The following KCNH5 variants were observed in gnomAD, a reference collection of about 807,000 sequenced individuals.
The protein encoded by KCNH5 is voltage-gated delayed rectifier potassium channel KCNH5.
KCNH5 carries 46 observed loss-of-function variants against 96.1 expected under a neutral mutation model. The ratio of observed to expected loss-of-function variants is 0.48; its 90% CI spans 0.38 to 0.61. KCNH5 has a LOEUF of 0.61. Ranked by LOEUF, KCNH5 falls within the 20% of genes least tolerant of loss-of-function variation. KCNH5 has a pLI of 0.00. For missense variants in KCNH5, 907 were observed against 1,225.8 expected, an observed-to-expected ratio of 0.74 and a Z score of 3.88; for synonymous variants, 439 against 449.8, an observed-to-expected ratio of 0.98 and a Z score of 0.30.
intron 6 of KCNH5, among the ~76,000 whole-genome samples, chr14:62,968,693 T>C (rs566892983): frequency 1.3e-5 from 2 of 152,294 alleles, no homozygotes; most frequent in Admixed American, 1.3e-4. Context: ...AGTTAGGAAA[T>C]GTGGTATGCC....
chr14:62,711,447 A>G lies in KCNH5; in HGVS notation c.2020-2992T>C, dbSNP rs184311524. Among the ~76,000 whole-genome samples, 570 of 152,254 alleles carry G rather than the reference A, an allele frequency of 3.7e-3. 5 individuals carry two copies. In the Middle Eastern group the frequency reaches 0.051, roughly 14 times the overall value. The stretch of plus-strand genomic sequence containing the variant: ...AAGAGAAAGAATCGAGCTCTGGTAC[A>G]TTAGATGACAGAATTCTGAGTATTG... On this transcript the variant is annotated intron_variant, in intron 10 of 10. Transcript: ENST00000322893.
At chr14:62,885,943 G>T (rs1888586923) in intron 7 of KCNH5, among the ~76,000 whole-genome samples, 1 of 152,054 alleles carries the variant, frequency 6.6e-6, no homozygotes, top group African/African-American at 2.4e-5. Flanking sequence ...GAAAGACCTG[G>T]GTCTGTGAGG....
intron 9 of KCNH5, among the ~76,000 whole-genome samples, chr14:62,783,520 A>G (rs570504167): frequency 6.6e-5 from 10 of 152,304 alleles, no homozygotes; most frequent in Middle Eastern, 6.8e-3. Context: ...CAAATTGTCA[A>G]TTATAATCCT....
At chr14:63,003,624 A>ATATATATT (rs1491457497) in intron 3 of KCNH5, among the ~76,000 whole-genome samples, 1 of 92,822 alleles carries the variant, frequency 1.1e-5, no homozygotes, top group African/African-American at 4.7e-5. Context: ...ATATATATAT[A>ATATATATT]TTTTTTTTTT....
intron 8 of KCNH5, among the ~76,000 whole-genome samples, chr14:62,843,921 T>C (rs564974190): frequency 2.2e-4 from 33 of 152,190 alleles, no homozygotes; most frequent in Admixed American, 1.9e-3. Context: ...ATTTCCCAAA[T>C]TAAAAAAATA....
chr14:63,026,451 C>A (rs1312067336), intron 1 of KCNH5, among the ~76,000 whole-genome samples: 1 of 151,960 alleles, frequency 6.6e-6, no homozygotes, highest in African/African-American at 2.4e-5. Context: ...AATATATCTA[C>A]AAACCAAACA....
intron 7 of KCNH5, among the ~76,000 whole-genome samples, chr14:62,852,958 C>T (rs1887837324): frequency 6.6e-6 from 1 of 152,128 alleles, no homozygotes; most frequent in Admixed American, 6.5e-5. Flanking sequence ...ACAGACATAC[C>T]TATCTTCTTG....
chr14:62,726,914 A>G (rs571528920), intron 10 of KCNH5, among the ~76,000 whole-genome samples: 3 of 152,362 alleles, frequency 2.0e-5, no homozygotes, highest in African/African-American at 7.2e-5. Context: ...AAAACTCTAC[A>G]ATGAAAATTG....
intron 10 of KCNH5, chr14:62,712,303 G>A (rs1884587578): frequency 5.0e-6 from 1 of 198,542 alleles, no homozygotes; most frequent in Non-Finnish European, 1.0e-5. Flanking sequence ...ACAAAATAAT[G>A]GCATTGTAAA....
intron 7 of KCNH5, among the ~76,000 whole-genome samples, chr14:62,850,992 T>C (rs1887793039): frequency 6.6e-6 from 1 of 152,212 alleles, no homozygotes; most frequent in South Asian, 2.1e-4. Context: ...TCCCATTTGA[T>C]GGAAGTGGTA....
In KCNH5 at chr14:62,706,472, T is replaced by G. The variant is rs1884434560; in HGVS notation, c.*1036A>C. 1 of 152,198 alleles carries G rather than the reference T, an allele frequency of 6.6e-6. No homozygotes were observed. Among genetic ancestry groups the G allele is most frequent in the African/African-American group, 2.4e-5 (1 of 41,470 alleles). The allele number at this position is 152,198 out of a possible 1,614,324, so 9.4% of individuals were successfully genotyped here. A position where few individuals can be genotyped will look rare whatever the true frequency, so the allele number is the denominator to read the frequency against. On this transcript the variant is annotated 3_prime_UTR_variant, in exon 11 of 11. Coordinates refer to ENST00000322893, the MANE Select transcript of KCNH5 (RefSeq NM_139318.5). Reference sequence around the variant, plus strand: ...ATCCGTACCAGTGTTTCATTCTTTCTAAGTTATATACATGCCACAAAAATT... The same window carrying G: ...ATCCGTACCAGTGTTTCATTCTTTCGAAGTTATATACATGCCACAAAAATT...
intron 7 of KCNH5, among the ~76,000 whole-genome samples, chr14:62,921,428 C>A (rs1173131125): frequency 6.6e-6 from 1 of 151,948 alleles, no homozygotes; most frequent in Non-Finnish European, 1.5e-5. Flanking sequence ...TCTAACAGAC[C>A]ATTAAGTAAT....
In KCNH5 at chr14:62,708,405, G is replaced by C; in HGVS notation, c.2070C>G (p.Leu690=). 6.2e-7 allele frequency: 1 copy of C among 1,610,582 alleles called. No individual in the cohort carries two copies. The highest frequency in any genetic ancestry group is 1.1e-5 in the South Asian group (1 of 91,082). The change falls in exon 11 of 11, where the codon CTC becomes CTG. Residue 690 remains leucine, a synonymous_variant. Transcript: ENST00000322893. ...SDVKKEEEER[L]RQKNEVTLSI... is the part of the protein sequence containing the mutation. ...TGAGGGTCACCTCATTCTTCTGCCG[G>C]AGGCGCTCCTCCTCCTCTTTCTTCA... is the stretch of plus-strand genomic sequence containing the variant.
chr14:62,803,284 T>A (rs1243685338), intron 8 of KCNH5, among the ~76,000 whole-genome samples: 9 of 152,220 alleles, frequency 5.9e-5, no homozygotes, highest in Non-Finnish European at 1.0e-4. Context: ...GAATTTTTTT[T>A]ATAACTAAAT....
chr14:62,989,335 T>C (rs1890768052), intron 4 of KCNH5, among the ~76,000 whole-genome samples: 1 of 152,082 alleles, frequency 6.6e-6, no homozygotes, highest in African/African-American at 2.4e-5. Flanking sequence ...CTTGCCACTT[T>C]CTCACACATG....
chr14:62,743,283 G>A (rs1161993163), intron 10 of KCNH5, among the ~76,000 whole-genome samples: 3 of 152,168 alleles, frequency 2.0e-5, no homozygotes, highest in African/African-American at 7.2e-5. Context: ...AGGGTATATA[G>A]ATATCTCTTT....
intron 9 of KCNH5, among the ~76,000 whole-genome samples, chr14:62,796,573 T>C (rs1351789546): frequency 2.0e-5 from 3 of 152,210 alleles, no homozygotes; most frequent in Admixed American, 6.5e-5. Flanking sequence ...GATTCTATGA[T>C]AGATTTATGA....
At position 62,750,339 on chromosome 14, in the gene KCNH5, C is replaced by T. The variant is rs146756640; in HGVS notation, c.2019+29389G>A. Among the ~76,000 whole-genome samples, 434 of 152,334 alleles carry T rather than the reference C, an allele frequency of 2.8e-3. 2 individuals carry two copies. The highest frequency in any genetic ancestry group is 0.017 in the South Asian group (83 of 4,832). ...CATGCAACTACTTAACTGTTTTCCACTGATTAGCACCTGATATTAACAGTT... is the reference window on the plus strand; with the variant it reads ...CATGCAACTACTTAACTGTTTTCCATTGATTAGCACCTGATATTAACAGTT... On this transcript the variant is annotated intron_variant, in intron 10 of 10. Transcript: ENST00000322893.
At chr14:62,890,654 G>T (rs1314399334) in intron 7 of KCNH5, among the ~76,000 whole-genome samples, 1 of 144,928 alleles carries the variant, frequency 6.9e-6, no homozygotes, top group African/African-American at 2.6e-5. Flanking sequence ...AGCCGAGATC[G>T]CGCCACTGCA....
Sources: gnomAD v4.1 joint callset for allele counts (sites outside exome capture counted in the v4.1 genomes callset) on GRCh38, gnomAD v4.1.1 for gene constraint, MANE v1.5 for transcripts, NCBI Gene and HGNC (gene_info 2026-07-23, HGNC 2026-07-21) for gene names.